TTC39B: variants seen among roughly 807,000 people sequenced by gnomAD.
TTC39B encodes tetratricopeptide repeat domain 39B, also known as tetratricopeptide repeat protein 39B.
TTC39B carries 92 observed loss-of-function variants against 96.6 expected under a neutral mutation model. That is an observed-to-expected ratio of 0.95 (90% CI 0.80 to 1.13). TTC39B has a LOEUF of 1.13. Ranked by LOEUF, TTC39B falls within the 50% of genes most tolerant of loss-of-function variation. The pLI is 0.00. For missense variants in TTC39B, 955 were observed against 809.3 expected, an observed-to-expected ratio of 1.18 and a Z score of -2.18; for synonymous variants, 367 against 299.4, an observed-to-expected ratio of 1.23 and a Z score of -2.33.
intron 8 of TTC39B, among the ~76,000 whole-genome samples, chr9:15,198,451 C>T (rs1450222723): frequency 2.5e-5 from 3 of 118,346 alleles, no homozygotes; most frequent in Non-Finnish European, 3.6e-5. Flanking sequence ...AGCAAGGTCT[C>T]GGTCGCAAAA....
chr9:15,217,039 G>A (rs950136541), intron 3 of TTC39B, among the ~76,000 whole-genome samples: 1 of 152,174 alleles, frequency 6.6e-6, no homozygotes, highest in African/African-American at 2.4e-5. Flanking sequence ...AGCCAGCGAT[G>A]GGAATATCTA....
At chr9:15,178,550 G>C (rs1013287562) in intron 17 of TTC39B, among the ~76,000 whole-genome samples, 1 of 152,184 alleles carries the variant, frequency 6.6e-6, no homozygotes, top group Non-Finnish European at 1.5e-5. Context: ...ACTGCAGCCT[G>C]GGTGAAAGAG....
At position 15,229,990 on chromosome 9, in the gene TTC39B, T is replaced by C. The variant is rs779682919; in HGVS notation, c.276-3978A>G. ...ACAGAGAATTGTTGTCTTTATAACA[T>C]TGCATCTTCACATCTTTACACATTT... On this transcript the variant is annotated intron_variant, in intron 2 of 19. Transcript: ENST00000512701. 7.2e-5 allele frequency among the ~76,000 whole-genome samples: 11 copies of C among 152,248 alleles called. No homozygotes were observed. The South Asian group carries it at 1.0e-3, about 14-fold the overall frequency.
chr9:15,286,002 G>C (rs553087330), intron 1 of TTC39B, among the ~76,000 whole-genome samples: 1 of 152,272 alleles, frequency 6.6e-6, no homozygotes, highest in South Asian at 2.1e-4. Context: ...TAGCCAAACA[G>C]TATTTTTTTC....
At chr9:15,189,786 C>G in exon 12 of TTC39B, 1 of 1,608,706 alleles carries the variant, frequency 6.2e-7, no homozygotes, top group South Asian at 1.1e-5. Flanking sequence ...ATTCACTTCT[C>G]CTGTACCTAG....
At chr9:15,218,327 T>G (rs1030864085) in intron 3 of TTC39B, among the ~76,000 whole-genome samples, 9 of 152,148 alleles carry the variant, frequency 5.9e-5, no homozygotes, top group Non-Finnish European at 8.8e-5. Flanking sequence ...ACCTTCACAA[T>G]GTCCCTTAAC....
At chr9:15,299,103 C>A (rs1824486373) in intron 1 of TTC39B, among the ~76,000 whole-genome samples, 1 of 152,196 alleles carries the variant, frequency 6.6e-6, no homozygotes, top group Non-Finnish European at 1.5e-5. Context: ...CATGTCCCCA[C>A]TCTCCACTAG....
At chr9:15,290,405 G>A (rs1367886563) in intron 1 of TTC39B, among the ~76,000 whole-genome samples, 2 of 152,128 alleles carry the variant, frequency 1.3e-5, no homozygotes, top group Non-Finnish European at 2.9e-5. Context: ...ATCTCCCCAG[G>A]TGGTCTCCTT....
At chr9:15,210,252 T>C (rs1417272719) in intron 5 of TTC39B, 88 bp from the exon 6 acceptor site, 2 of 856,088 alleles carry the variant, frequency 2.3e-6, no homozygotes, top group Non-Finnish European at 1.9e-6. Context: ...TTTCAGTCAC[T>C]ATCACACCAA....
intron 1 of TTC39B, among the ~76,000 whole-genome samples, chr9:15,269,683 C>G (rs1185194635): frequency 6.8e-6 from 1 of 148,058 alleles, no homozygotes; most frequent in Non-Finnish European, 1.5e-5. Context: ...GAATCCCTCT[C>G]TCTACTAAAA....
intron 10 of TTC39B, 64 bp downstream of exon 10, chr9:15,191,124 GCC>G: frequency 9.0e-7 from 1 of 1,107,120 alleles, no homozygotes; most frequent in Non-Finnish European, 1.4e-6. Flanking sequence ...ATGTTGCATT[GCC>G]CTCATGTTCA....
At chr9:15,269,689 T>TA (rs1563776988) in intron 1 of TTC39B, among the ~76,000 whole-genome samples, 1 of 150,312 alleles carries the variant, frequency 6.7e-6, no homozygotes, top group Non-Finnish European at 1.5e-5. Flanking sequence ...CTCTCTCTAC[T>TA]AAAAAATACA....
chr9:15,205,944 G>C (rs188533018), intron 6 of TTC39B, among the ~76,000 whole-genome samples: 22 of 152,110 alleles, frequency 1.4e-4, no homozygotes, highest in Non-Finnish European at 2.4e-4. Context: ...CTCAGTCAAG[G>C]CTCAATTATA....
chr9:15,267,100 G>A (rs559805713), intron 2 of TTC39B, among the ~76,000 whole-genome samples: 1 of 152,238 alleles, frequency 6.6e-6, no homozygotes, highest in African/African-American at 2.4e-5. Flanking sequence ...ACACCAGAGA[G>A]CTTTTGCTCT....
intron 2 of TTC39B, among the ~76,000 whole-genome samples, chr9:15,240,160 A>C (rs1821974154): frequency 6.6e-6 from 1 of 152,184 alleles, no homozygotes; most frequent in Non-Finnish European, 1.5e-5. Context: ...AAATAAAAAG[A>C]TACTCCCCAA....
chr9:15,307,139 C>G, exon 1 of TTC39B: 1 of 1,608,250 alleles, frequency 6.2e-7, no homozygotes, highest in Non-Finnish European at 8.5e-7. Flanking sequence ...CCTCCTCTGG[C>G]TGCTGCCACC....
chr9:15,234,290 C>T (rs577904140), intron 2 of TTC39B, among the ~76,000 whole-genome samples: 1 of 148,790 alleles, frequency 6.7e-6, no homozygotes, highest in South Asian at 2.1e-4. Flanking sequence ...GGCCAGCCGC[C>T]CCATCCGGGA....
chr9:15,189,306 C>A (rs1286739941), intron 13 of TTC39B, among the ~76,000 whole-genome samples: 4 of 152,056 alleles, frequency 2.6e-5, no homozygotes, highest in African/African-American at 4.8e-5. Flanking sequence ...AATCCCTGAG[C>A]TTGTTATTTG....
chr9:15,202,243 A>G (rs907765743), intron 7 of TTC39B, among the ~76,000 whole-genome samples: 6 of 152,224 alleles, frequency 3.9e-5, no homozygotes, highest in Non-Finnish European at 5.9e-5. Flanking sequence ...TTGGGCCTCC[A>G]TGACTATCAT....
Sources: allele counts gnomAD v4.1 joint callset (sites outside exome capture counted in the v4.1 genomes callset), GRCh38; gene constraint gnomAD v4.1.1; transcripts MANE v1.5; gene names NCBI Gene and HGNC (gene_info 2026-07-23, HGNC 2026-07-21).